Variants in MYH7B observed in about 807,000 individuals in gnomAD.
MYH7B encodes myosin heavy chain 7B.
A neutral mutation model predicts 234.5 loss-of-function variants in MYH7B; 205 were observed. The ratio of observed to expected loss-of-function variants is 0.87; its 90% CI spans 0.78 to 0.98. The LOEUF is 0.98. Ranked by LOEUF, MYH7B falls within the 50% of genes least tolerant of loss-of-function variation. The pLI, the probability that MYH7B is intolerant of heterozygous loss-of-function variation, is 0.00. For missense variants in MYH7B, 2,652 were observed against 2,633.4 expected (o/e 1.01, Z -0.15); for synonymous variants, 1,193 against 1,105.0 (o/e 1.08, Z -1.58).
intron 2 of MYH7B, among the ~76,000 whole-genome samples, 55 bp downstream of exon 2, chr20:34,958,267 C>T (rs905260975): frequency 6.6e-6 from 1 of 152,116 alleles, no homozygotes; most frequent in East Asian, 1.9e-4. Flanking sequence ...TCAGAAGTTA[C>T]GTGACTTGTT....
In MYH7B at chr20:35,002,319, C is replaced by A. The variant is rs548602872; in HGVS notation, c.*131C>A. The A allele has an allele frequency of 5.0e-6, 5 of 1,006,656 alleles. No individual in the cohort carries two copies. In the South Asian group the frequency reaches 1.0e-4, roughly 21 times the overall value. The allele number at this position is 1,006,656 out of a possible 1,614,324, so 62.4% of individuals were successfully genotyped here. On this transcript the variant is annotated 3_prime_UTR_variant, in exon 45 of 45. Coordinates refer to ENST00000262873, the Ensembl canonical transcript of MYH7B. ...GCCTTCCCTGGGCCCTGAATAAACA[C>A]CACAGCCAGTTTCCTTCTCATTCTT... is the stretch of plus-strand genomic sequence containing the variant.
exon 8 of MYH7B, chr20:34,980,677 G>T (rs2081928506): frequency 6.2e-7 from 1 of 1,614,098 alleles, no homozygotes; most frequent in South Asian, 1.1e-5. Context: ...GCGCCGCTCA[G>T]ATTCCCCGCC....
chr20:34,986,219 G>T (rs2425008), intron 14 of MYH7B, 21 bp downstream of exon 14: 11 of 1,563,988 alleles, frequency 7.0e-6, no homozygotes, highest in Admixed American at 1.9e-5. Context: ...GTACGATGAA[G>T]GGGGTGGGAG....
intron 14 of MYH7B, among the ~76,000 whole-genome samples, 195 bp from the exon 15 acceptor site, chr20:34,986,691 T>C (rs1002711916): frequency 1.3e-5 from 2 of 152,114 alleles, no homozygotes; most frequent in Non-Finnish European, 2.9e-5. Context: ...TCAGGGCCCT[T>C]CACTCTCAGT....
At chr20:35,002,051 T>C in exon 44 of MYH7B, 1 of 1,613,986 alleles carries the variant, frequency 6.2e-7, no homozygotes, top group Non-Finnish European at 8.5e-7. Context: ...GCCAACAAGC[T>C]GCGGGCACGG....
In MYH7B at chr20:34,993,331, C is replaced by T. The variant is rs765480648; in HGVS notation, c.2308-3C>T. On this transcript the variant is annotated splice_polypyrimidine_tract_variant and splice_region_variant and intron_variant, in intron 25 of 44. Transcript: ENST00000262873. ...CCCTGGCTGTCTACCTCTCCGCCCC[C>T]AGGTGTTCTTCAAGGCTGGGCTTCT... 6.2e-7 allele frequency: 1 copy of T among 1,614,144 alleles called. No homozygotes were observed. The highest frequency in any genetic ancestry group is 1.7e-5 in the Admixed American group (1 of 60,030).
intron 10 of MYH7B, 65 bp downstream of exon 10, chr20:34,982,620 CTCTTT>C: frequency 1.5e-6 from 2 of 1,325,486 alleles, no homozygotes; most frequent in Non-Finnish European, 2.1e-6. Context: ...CTTTCTTCCT[CTCTTT>C]TTTTTTTTTC....
chr20:34,981,189 T>C, intron 9 of MYH7B, 129 bp downstream of exon 9: 3 of 1,180,466 alleles, frequency 2.5e-6, no homozygotes, highest in Admixed American at 2.1e-5. Context: ...CTGGAGCTAG[T>C]GTCCCAGCTG....
intron 18 of MYH7B, 37 bp from the exon 19 acceptor site, chr20:34,988,055 C>G (rs749920189): frequency 1.3e-6 from 2 of 1,593,570 alleles, no homozygotes; most frequent in African/African-American, 2.7e-5. Flanking sequence ...TCCCCATCTG[C>G]GAGAGGTCTG....
At chr20:34,986,304 C>G (rs557439172) in intron 14 of MYH7B, 106 bp downstream of exon 14, 1 of 859,054 alleles carries the variant, frequency 1.2e-6, no homozygotes. Flanking sequence ...CCCTCCCTGT[C>G]CTGGGGTCTG....
chr20:34,983,158 G>A (rs1247609871), intron 10 of MYH7B, among the ~76,000 whole-genome samples: 1 of 152,190 alleles, frequency 6.6e-6, no homozygotes, highest in African/African-American at 2.4e-5. Flanking sequence ...TTTTCCAGAA[G>A]CCCGAGGCCT....
intron 7 of MYH7B, 146 bp from the exon 8 acceptor site, chr20:34,980,432 C>T (rs1316095076): frequency 1.4e-6 from 1 of 710,050 alleles, no homozygotes; most frequent in Non-Finnish European, 2.5e-6. Context: ...GCTTGTAGTC[C>T]TAGCTACCCT....
chr20:34,984,181 A>G (rs2081981649), intron 10 of MYH7B, among the ~76,000 whole-genome samples: 1 of 152,162 alleles, frequency 6.6e-6, no homozygotes, highest in African/African-American at 2.4e-5. Flanking sequence ...GCGCACTGGT[A>G]GGTATACAGG....
chr20:34,987,191 G>A, exon 16 of MYH7B: 4 of 1,613,170 alleles, frequency 2.5e-6, no homozygotes, highest in Non-Finnish European at 3.4e-6. Flanking sequence ...TGAGAAATGT[G>A]CCTGCTATAA....
In MYH7B at chr20:34,987,257, G is replaced by T; in HGVS notation, c.1117G>T (p.Glu373Ter). Reference sequence around the variant, plus strand: ...CATGAAGTTCAAGCAGAAGCAGCGGGAGGAGCAGGCGGAGGCCGATGGCAC... The same window carrying T: ...CATGAAGTTCAAGCAGAAGCAGCGGTAGGAGCAGGCGGAGGCCGATGGCAC... The change falls in exon 16 of 45, where the codon GAG becomes TAG. Residue 373 changes from glutamate to a stop codon, truncating the protein, a stop_gained. Transcript: ENST00000262873. LOFTEE classifies it high-confidence loss of function. The T allele has an allele frequency of 6.2e-7, 1 of 1,611,674 alleles. No homozygotes were observed. Among genetic ancestry groups the T allele is most frequent in the Admixed American group, 1.7e-5 (1 of 60,014 alleles).
At chr20:34,979,447 A>G (rs533564438) in exon 6 of MYH7B, 1 of 1,614,036 alleles carries the variant, frequency 6.2e-7, no homozygotes, top group Non-Finnish European at 8.5e-7. Context: ...GCCGAGGTCA[A>G]GTCGGAGGCT....
chr20:34,991,333 G>C (rs2082146105), intron 24 of MYH7B, among the ~76,000 whole-genome samples: 2 of 152,206 alleles, frequency 1.3e-5, no homozygotes, highest in Admixed American at 1.3e-4. Flanking sequence ...GCAAATAGTG[G>C]AGGTGGAGCC....
intron 28 of MYH7B, 135 bp from the exon 29 acceptor site, chr20:34,996,211 C>T (rs370453722): frequency 5.6e-5 from 57 of 1,009,894 alleles, no homozygotes; most frequent in East Asian, 3.4e-4. Context: ...CAGGCAGAAG[C>T]GGTGGAGGCT....
rs371110637 is a variant in MYH7B, at chr20:34,973,011, T to A, written c.-221-2389T>A. 1.7e-4 allele frequency among the ~76,000 whole-genome samples: 26 copies of A among 152,290 alleles called. 1 individual carries two copies. In the South Asian group the frequency reaches 5.2e-3, roughly 30 times the overall value. ...CATAAATCTGAACACACTGTCAAATTCTCTTGCTCAGAGCTCTTTGATGCA... is the reference window on the plus strand; with the variant it reads ...CATAAATCTGAACACACTGTCAAATACTCTTGCTCAGAGCTCTTTGATGCA... On this transcript the variant is annotated intron_variant, in intron 2 of 44. Transcript: ENST00000262873.
Sources: gnomAD v4.1 joint callset for allele counts (sites outside exome capture counted in the v4.1 genomes callset) on GRCh38, gnomAD v4.1.1 for gene constraint, MANE v1.5 for transcripts, NCBI Gene and HGNC (gene_info 2026-07-23, HGNC 2026-07-21) for gene names.